ITPR3: variants seen among roughly 807,000 people sequenced by gnomAD.
ITPR3 encodes the protein inositol 1,4,5-trisphosphate-gated calcium channel ITPR3.
Under a neutral mutation model 293.2 loss-of-function variants are expected in ITPR3, and 173 were observed. That is an observed-to-expected ratio of 0.59 (90% CI 0.52 to 0.67). ITPR3 has a LOEUF of 0.67. Ranked by LOEUF, ITPR3 falls within the 30% of genes least tolerant of loss-of-function variation. The pLI is 0.00. For synonymous variants in ITPR3, 1,295 were observed against 1,444.4 expected (o/e 0.90, Z 2.35); for missense variants, 2,796 against 3,592.1 (o/e 0.78, Z 5.66).
intron 2 of ITPR3, among the ~76,000 whole-genome samples, chr6:33,642,072 C>G (rs931062492): frequency 6.6e-6 from 1 of 152,146 alleles, no homozygotes; most frequent in African/African-American, 2.4e-5. Flanking sequence ...ACGGCAGATC[C>G]CCGAGCACAT....
chr6:33,685,463 G>T lies in ITPR3; in HGVS notation c.5412G>T (p.Val1804=). 6.2e-7 allele frequency: 1 copy of T among 1,613,924 alleles called. No homozygotes were observed. ...CCCAGCAGGAGACCAAGTCCACGGT[G>T]GCAGTCAACATGAATGACCTGGGCA... The part of the protein sequence containing the change: ...KRAQQETKST[V]AVNMNDLGSQ... Residue 1804 remains valine, a synonymous_variant, in exon 40 of 58, where the codon GTG becomes GTT. Transcript: ENST00000605930.
intron 1 of ITPR3, among the ~76,000 whole-genome samples, chr6:33,636,053 G>A (rs6902606): frequency 0.094 from 13,811 of 147,012 alleles, 704 homozygotes; most frequent in Non-Finnish European, 0.12. Context: ...TTGGGAGGCC[G>A]ATGCAGGTGG....
chr6:33,692,488 G>A lies in ITPR3; in HGVS notation c.7459-240G>A, dbSNP rs947747884. 2.0e-5 allele frequency among the ~76,000 whole-genome samples: 3 copies of A among 151,728 alleles called. No individual in the cohort carries two copies. The highest frequency in any genetic ancestry group is 1.9e-4 in the East Asian group (1 of 5,142). ...GACTCCTTCTGCAGGCCTCCACCCC[G>A]GCGTGTCCTGAGTCCACGCTTTCCT... On this transcript the variant is annotated intron_variant, in intron 54 of 57. Transcript: ENST00000605930. The surrounding 1 kb of genome is among the most constrained non-coding windows in gnomAD (Gnocchi z 4.2).
chr6:33,634,390 C>T (rs566088373), intron 1 of ITPR3, among the ~76,000 whole-genome samples: 1 of 152,222 alleles, frequency 6.6e-6, no homozygotes, highest in East Asian at 1.9e-4. Flanking sequence ...CTGGCGGACC[C>T]GGGAGAAAAT....
chr6:33,676,787 C>T lies in ITPR3; in HGVS notation c.3302C>T (p.Ala1101Val), dbSNP rs149129212. ...TFKQVQLLISAQDVENYKVIK... is the reference protein window; with the variant it reads ...TFKQVQLLISVQDVENYKVIK... ...CTTCAGGTTCAGCTGCTGATCTCAG[C>T]GCAGGACGTGGAGAACTACAAGGTG... The change falls in exon 26 of 58, where the codon GCG becomes GTG. Residue 1101 changes from alanine (A) to valine (V), a missense_variant. By Grantham distance (64) the Ala-to-Val change is moderately conservative (BLOSUM62 0). Around this residue, in one of 8 missense-constraint regions of ITPR3, gnomAD observed 955 missense variants for 1,180.8 expected, o/e 0.81. Transcript: ENST00000605930. The T allele has an allele frequency of 8.4e-5, 135 of 1,614,132 alleles. No individual in the cohort carries two copies. The African/African-American group carries it at 1.5e-3, about 18-fold the overall frequency.
chr6:33,692,045 C>G lies in ITPR3; in HGVS notation c.7458+117C>G. On this transcript the variant is annotated intron_variant, in intron 54 of 57. Coordinates refer to ENST00000605930, the MANE Select transcript of ITPR3 (RefSeq NM_002224.4). The surrounding 1 kb of genome is among the most constrained non-coding windows in gnomAD (Gnocchi z 4.2). ...GATATTCAGGGTTGAACCCCCTCCC[C>G]CGAACTTGTATCCACTTTTCCCTGC... 1 of 1,377,372 alleles carries G rather than the reference C, an allele frequency of 7.3e-7. No homozygotes were observed. Among genetic ancestry groups the G allele is most frequent in the Non-Finnish European group, 1.0e-6 (1 of 987,764 alleles). 85.3% of individuals were successfully genotyped at this position (1,377,372 alleles called of 1,614,324 possible). A position where few individuals can be genotyped will look rare whatever the true frequency, so the allele number is the denominator to read the frequency against.
rs907772197 is a variant in ITPR3 at position 33,666,625 on chromosome 6, G to A, written c.1552-504G>A. ...AGTTTGTTTTTTTTTTTTTAGAAAC[G>A]AGGATCCAATTAAGGTTTTTTCATT... On this transcript the variant is annotated intron_variant, in intron 14 of 57. Transcript: ENST00000605930. The surrounding 1 kb of genome is among the most constrained non-coding windows in gnomAD (Gnocchi z 5.1). Among the ~76,000 whole-genome samples, 3 of 148,564 alleles carry A rather than the reference G, an allele frequency of 2.0e-5. No individual in the cohort carries two copies. Among genetic ancestry groups the A allele is most frequent in the Non-Finnish European group, 3.0e-5 (2 of 67,522 alleles).
chr6:33,677,278 A>C (rs1011380791), intron 27 of ITPR3, among the ~76,000 whole-genome samples, 189 bp downstream of exon 27: 22 of 152,300 alleles, frequency 1.4e-4, no homozygotes, highest in Admixed American at 1.1e-3. Flanking sequence ...AAGCCGAAGG[A>C]ATTCCATGAA....
chr6:33,693,055 G>A (rs988192057), intron 55 of ITPR3, among the ~76,000 whole-genome samples, 162 bp downstream of exon 55: 1 of 152,198 alleles, frequency 6.6e-6, no homozygotes, highest in Non-Finnish European at 1.5e-5. Flanking sequence ...ACATGACCCT[G>A]CCTGAACTTG....
chr6:33,675,974 G>A lies in ITPR3; in HGVS notation c.3282+118G>A, dbSNP rs1764897243. 1 of 1,246,820 alleles carries A rather than the reference G, an allele frequency of 8.0e-7. No individual in the cohort carries two copies. Among genetic ancestry groups the A allele is most frequent in the Admixed American group, 3.0e-5 (1 of 33,296 alleles). 77.2% of individuals were successfully genotyped at this position (1,246,820 alleles called of 1,614,324 possible). ...GGGTAACTTGGGATGCCCATTTGGG[G>A]TTTTCAGCCTTGCTGAGTTCCTAGG... is the stretch of plus-strand genomic sequence containing the variant. On this transcript the variant is annotated intron_variant, in intron 25 of 57. Coordinates refer to ENST00000605930, the MANE Select transcript of ITPR3 (RefSeq NM_002224.4). The surrounding 1 kb of genome is among the most constrained non-coding windows in gnomAD (Gnocchi z 5.0).
chr6:33,653,494 A>G (rs1179218887), intron 2 of ITPR3, among the ~76,000 whole-genome samples: 4 of 152,228 alleles, frequency 2.6e-5, no homozygotes, highest in Non-Finnish European at 5.9e-5. Flanking sequence ...TTTCTGAAAT[A>G]GCAGAAAACT....
In ITPR3 at chr6:33,672,053, A is replaced by G; in HGVS notation, c.2753A>G (p.Gln918Arg). Reference protein sequence around the residue: ...PGGKNVRRSIQGVGHMMSTMV... With the variant: ...PGGKNVRRSIRGVGHMMSTMV... ...GGCAAGAATGTGCGGCGGTCCATCC[A>G]GGGCGTGGGGCACATGATGTCCACC... is the stretch of plus-strand genomic sequence containing the variant. Residue 918 changes from glutamine (Q) to arginine (R), a missense_variant, in exon 22 of 58, where the codon CAG becomes CGG. Around this residue, in one of 8 missense-constraint regions of ITPR3, gnomAD observed 955 missense variants for 1,180.8 expected, o/e 0.81. Coordinates refer to ENST00000605930, the MANE Select transcript of ITPR3 (RefSeq NM_002224.4). This position sits in a 1 kb window ranked among gnomAD's most constrained non-coding sequence, Gnocchi z 5.0. 3 of 1,610,342 alleles carry G rather than the reference A, an allele frequency of 1.9e-6. No individual in the cohort carries two copies. The highest frequency in any genetic ancestry group is 2.5e-6 in the Non-Finnish European group (3 of 1,177,826).
Position 33,664,970 on chromosome 6 carries a change from G to C in ITPR3, c.1248+1G>C, listed in dbSNP as rs367993021. ...GGAGGAGCGGCCCATCCGGCTCATG[G>C]TGCGTGTCCCTGGGGTGGGGGTGGG... is the stretch of plus-strand genomic sequence containing the variant. On this transcript the variant is annotated splice_donor_variant, in intron 12 of 57. Transcript: ENST00000605930. LOFTEE classifies it high-confidence loss of function. The surrounding 1 kb of genome is among the most constrained non-coding windows in gnomAD (Gnocchi z 4.4). 1 of 1,613,516 alleles carries C rather than the reference G, an allele frequency of 6.2e-7. No homozygotes were observed. The highest frequency in any genetic ancestry group is 8.5e-7 in the Non-Finnish European group (1 of 1,179,814).
At position 33,685,366 on chromosome 6, in the gene ITPR3, T is replaced by A. The variant is rs373017319; in HGVS notation, c.5315T>A (p.Phe1772Tyr). ...DGGNTEIQKSFHNLMMSDKKS... is the reference protein window; with the variant it reads ...DGGNTEIQKSYHNLMMSDKKS... ...GCCACTGTCCACCTCCAGAAATCCT[T>A]CCACAACCTGATGATGAGTGACAAG... Residue 1772 changes from phenylalanine (F) to tyrosine (Y), a missense_variant, in exon 40 of 58, where the codon TTC becomes TAC. By Grantham distance (22) the Phe-to-Tyr change is conservative. Coordinates refer to ENST00000605930, the MANE Select transcript of ITPR3 (RefSeq NM_002224.4). 6.2e-7 allele frequency: 1 copy of A among 1,610,942 alleles called. No homozygotes were observed. Among genetic ancestry groups the A allele is most frequent in the Non-Finnish European group, 8.5e-7 (1 of 1,177,382 alleles).
Position 33,667,928 on chromosome 6 carries a change from C to G in ITPR3, c.1850C>G (p.Thr617Ser), listed in dbSNP as rs1764654989. 4 of 1,614,226 alleles carry G rather than the reference C, an allele frequency of 2.5e-6. No individual in the cohort carries two copies. Among genetic ancestry groups the G allele is most frequent in the Non-Finnish European group, 3.4e-6 (4 of 1,180,040 alleles). ...CACATCACCAAGACCGAGGTGGAGA[C>G]CTTCGTCAGCCTTGTGCGCAAGAAC... ...EKHITKTEVE[T>S]FVSLVRKNRE... The change falls in exon 16 of 58, where the codon ACC becomes AGC. Residue 617 changes from threonine to serine, a missense_variant. Transcript: ENST00000605930. The surrounding 1 kb of genome is among the most constrained non-coding windows in gnomAD (Gnocchi z 4.4).
chr6:33,659,537 G>A lies in ITPR3; in HGVS notation c.699G>A (p.Glu233=), dbSNP rs145088908. The A allele has an allele frequency of 7.8e-5, 126 of 1,613,812 alleles. No individual in the cohort carries two copies. The highest frequency in any genetic ancestry group is 1.0e-4 in the Non-Finnish European group (119 of 1,179,860). ...LFMQFRDHLE[E]VLKGGDVVRL... ...TGCAGTTTCGGGACCACCTGGAGGAGGTGTTGAAAGGGGTAAGGACTGGGA... is the reference window on the plus strand; with the variant it reads ...TGCAGTTTCGGGACCACCTGGAGGAAGTGTTGAAAGGGGTAAGGACTGGGA... Residue 233 remains glutamate, a synonymous_variant, in exon 7 of 58, where the codon GAG becomes GAA. Transcript: ENST00000605930.
chr6:33,657,932 C>T lies in ITPR3; in HGVS notation c.283C>T (p.His95Tyr). 10 of 1,613,368 alleles carry T rather than the reference C, an allele frequency of 6.2e-6. No individual in the cohort carries two copies. The highest frequency in any genetic ancestry group is 8.5e-6 in the Non-Finnish European group (10 of 1,179,598). Residue 95 changes from histidine (H) to tyrosine (Y), a missense_variant and splice_region_variant, in exon 4 of 58, where the codon CAT (histidine) becomes TAT (tyrosine). By Grantham distance (83) the His-to-Tyr change is moderately conservative (BLOSUM62 2). This residue lies in a region of ITPR3 where 144 missense variants were observed against 230.8 expected (regional missense o/e 0.62). Transcript: ENST00000605930. The stretch of plus-strand genomic sequence containing the variant: ...TTCACTTCTGTGTGTGTCTGTGCAG[C>T]ATGCGGCGCAGATGGAGCAGAAGCA... ...ADVVLLQKLQ[H>Y]AAQMEQKQND...
rs1282722855 is a variant in ITPR3 at position 33,691,844 on chromosome 6, G to T, written c.7374G>T (p.Leu2458=). Residue 2458 remains leucine (L), a synonymous_variant, in exon 54 of 58, where the codon CTG becomes CTT. Transcript: ENST00000605930. This position sits in a 1 kb window ranked among gnomAD's most constrained non-coding sequence, Gnocchi z 4.9. ...LDSTERACDT[L]LMCIVTVMNH... ...GCACAGAGCGGGCCTGTGACACTCT[G>T]TTGATGTGCATCGTCACTGTCATGA... The T allele has an allele frequency of 1.9e-6, 3 of 1,614,138 alleles. No homozygotes were observed. Among genetic ancestry groups the T allele is most frequent in the Non-Finnish European group, 2.5e-6 (3 of 1,180,010 alleles).
chr6:33,687,695 T>TC lies in ITPR3; in HGVS notation c.6264+132dup, dbSNP rs1187129185. On this transcript the variant is annotated intron_variant, in intron 46 of 57. Coordinates refer to ENST00000605930, the MANE Select transcript of ITPR3 (RefSeq NM_002224.4). This position sits in a 1 kb window ranked among gnomAD's most constrained non-coding sequence, Gnocchi z 5.3. ...CCAGGCTAGAATTTGGGGGTACAGC[T>TC]CAGGGGGCTGATTGGGACTGGCAGC... 1.5e-5 allele frequency: 11 copies of TC among 738,172 alleles called. No homozygotes were observed. The allele number at this position is 738,172 out of a possible 1,614,324, so 45.7% of individuals were successfully genotyped here.
Sources: gnomAD v4.1 joint callset for allele counts (sites outside exome capture counted in the v4.1 genomes callset) on GRCh38, gnomAD v4.1.1 for gene constraint, gnomAD v4.1.1 regional missense constraint, Gnocchi (gnomAD v3.1) non-coding constraint, MANE v1.5 for transcripts, NCBI Gene and HGNC (gene_info 2026-07-23, HGNC 2026-07-21) for gene names.